Variants in ZNF438 observed in about 807,000 individuals in gnomAD.
ZNF438 encodes the protein zinc finger protein 438.
Under a neutral mutation model 38.0 loss-of-function variants are expected in ZNF438, and 25 were observed. That is an observed-to-expected ratio of 0.66 (90% CI 0.48 to 0.92). ZNF438 has a LOEUF of 0.92. Ranked by LOEUF, ZNF438 falls within the 40% of genes least tolerant of loss-of-function variation. The pLI, the probability that ZNF438 is intolerant of heterozygous loss-of-function variation, is 0.00. For synonymous variants in ZNF438, 372 were observed against 364.1 expected, an observed-to-expected ratio of 1.02 and a Z score of -0.25; for missense variants, 1,007 against 999.6, an observed-to-expected ratio of 1.01 and a Z score of -0.10.
chr10:30,966,283 T>C (rs1029229190), intron 1 of ZNF438, among the ~76,000 whole-genome samples: 2 of 152,016 alleles, frequency 1.3e-5, no homozygotes, highest in East Asian at 1.9e-4. Flanking sequence ...TGAGCTATGA[T>C]CATGCCACTG....
At chr10:31,002,290 G>T (rs924040495) in intron 1 of ZNF438, among the ~76,000 whole-genome samples, 1 of 152,130 alleles carries the variant, frequency 6.6e-6, no homozygotes, top group African/African-American at 2.4e-5. Flanking sequence ...AAAATACTTT[G>T]TTTACTTATG....
At chr10:30,871,227 T>G (rs760182316) in intron 4 of ZNF438, among the ~76,000 whole-genome samples, 1 of 152,300 alleles carries the variant, frequency 6.6e-6, no homozygotes, top group Middle Eastern at 3.4e-3. Context: ...TTCCCCCCTT[T>G]GCTTCTTTTG....
At chr10:30,928,540 C>T (rs2045234759) in intron 2 of ZNF438, among the ~76,000 whole-genome samples, 2 of 150,418 alleles carry the variant, frequency 1.3e-5, no homozygotes, top group Non-Finnish European at 1.5e-5. Flanking sequence ...AACTTTGTCA[C>T]TTCAAATCAC....
intron 3 of ZNF438, among the ~76,000 whole-genome samples, chr10:30,894,037 C>A (rs978389045): frequency 6.6e-6 from 1 of 152,148 alleles, no homozygotes; most frequent in Non-Finnish European, 1.5e-5. Context: ...CATCAGAGGA[C>A]TAGAACAAAG....
At chr10:30,906,275 TTTGC>T (rs1409890139) in intron 3 of ZNF438, among the ~76,000 whole-genome samples, 2 of 152,184 alleles carry the variant, frequency 1.3e-5, no homozygotes, top group African/African-American at 2.4e-5. Flanking sequence ...TTGCACTTCT[TTTGC>T]TTATTTGTAA....
At chr10:30,856,951 C>T (rs1439620737) in intron 4 of ZNF438, among the ~76,000 whole-genome samples, 1 of 152,150 alleles carries the variant, frequency 6.6e-6, no homozygotes, top group African/African-American at 2.4e-5. Flanking sequence ...TTATTATGGT[C>T]TAGAATTAAT....
At position 31,023,853 on chromosome 10, in the gene ZNF438, A is replaced by C. The variant is rs16932117; in HGVS notation, c.-192+7980T>G. Among the ~76,000 whole-genome samples, 666 of 152,284 alleles carry C rather than the reference A, an allele frequency of 4.4e-3. 6 individuals carry two copies. Among genetic ancestry groups the C allele is most frequent in the African/African-American group, 0.015 (630 of 41,532 alleles). The stretch of plus-strand genomic sequence containing the variant: ...CTAAGTTTAAAGCTGGCTAATCCTT[A>C]AATTTTTGCACTTTTCAAAATCAGC... On this transcript the variant is annotated intron_variant, in intron 1 of 5. Coordinates refer to ENST00000413025, the Ensembl canonical transcript of ZNF438.
At chr10:30,938,818 T>C (rs1187010681) in intron 2 of ZNF438, among the ~76,000 whole-genome samples, 2 of 151,506 alleles carry the variant, frequency 1.3e-5, no homozygotes, top group East Asian at 3.9e-4. Context: ...TATTTTGAGA[T>C]GGAGTCTCAC....
intron 1 of ZNF438, among the ~76,000 whole-genome samples, chr10:30,982,598 T>C (rs185593976): frequency 6.6e-6 from 1 of 152,326 alleles, no homozygotes; most frequent in East Asian, 1.9e-4. Flanking sequence ...ATGGGTCTGT[T>C]GTTTTAAGTG....
At chr10:30,918,278 CT>C (rs2043879993) in intron 2 of ZNF438, among the ~76,000 whole-genome samples, 1 of 152,084 alleles carries the variant, frequency 6.6e-6, no homozygotes, top group African/African-American at 2.4e-5. Context: ...TTCTATGTAA[CT>C]TTTAGAATTA....
At chr10:30,884,302 C>A (rs534144600) in intron 3 of ZNF438, among the ~76,000 whole-genome samples, 5 of 151,986 alleles carry the variant, frequency 3.3e-5, no homozygotes, top group African/African-American at 1.2e-4. Flanking sequence ...ATACCTAACA[C>A]TTATTAAAAA....
At chr10:30,945,357 T>C (rs2047265340) in intron 1 of ZNF438, among the ~76,000 whole-genome samples, 1 of 151,576 alleles carries the variant, frequency 6.6e-6, no homozygotes, top group African/African-American at 2.4e-5. Context: ...TAATGATTAG[T>C]ATCTGCATGG....
At chr10:31,014,969 C>T (rs183418518) in intron 1 of ZNF438, among the ~76,000 whole-genome samples, 1 of 152,102 alleles carries the variant, frequency 6.6e-6, no homozygotes, top group Admixed American at 6.5e-5. Flanking sequence ...GTCATCCCCC[C>T]ACTTCAGCCT....
At chr10:30,907,015 C>G (rs1239814308) in intron 3 of ZNF438, among the ~76,000 whole-genome samples, 4 of 152,178 alleles carry the variant, frequency 2.6e-5, no homozygotes, top group Non-Finnish European at 1.5e-5. Context: ...GCTCTTGTCG[C>G]CCAGGCTGGA....
chr10:30,899,008 T>C (rs2041684413), intron 3 of ZNF438, among the ~76,000 whole-genome samples: 1 of 152,180 alleles, frequency 6.6e-6, no homozygotes, highest in Non-Finnish European at 1.5e-5. Flanking sequence ...TTCTCCACCT[T>C]CTTCAGATTA....
At chr10:30,987,007 C>T (rs904847882) in intron 1 of ZNF438, among the ~76,000 whole-genome samples, 3 of 152,152 alleles carry the variant, frequency 2.0e-5, no homozygotes, top group Non-Finnish European at 4.4e-5. Context: ...TTGGACTTGG[C>T]TGTGGTTCAC....
At chr10:30,998,846 C>T (rs986962337) in intron 1 of ZNF438, among the ~76,000 whole-genome samples, 9 of 152,058 alleles carry the variant, frequency 5.9e-5, no homozygotes, top group Non-Finnish European at 8.8e-5. Context: ...GAATCCTTAA[C>T]TTTGAAGAAC....
exon 5 of ZNF438, chr10:30,849,635 T>C (rs1469097339): frequency 6.2e-7 from 1 of 1,614,102 alleles, no homozygotes; most frequent in Non-Finnish European, 8.5e-7. Flanking sequence ...TTTAAATTTT[T>C]CACTGGCAAC....
At chr10:30,995,407 T>C (rs572439074) in intron 1 of ZNF438, among the ~76,000 whole-genome samples, 2 of 152,338 alleles carry the variant, frequency 1.3e-5, no homozygotes, top group South Asian at 2.1e-4. Context: ...TATCCAGCAA[T>C]ACTGTGTTTT....
Sources: allele counts gnomAD v4.1 joint callset (sites outside exome capture counted in the v4.1 genomes callset), GRCh38; gene constraint gnomAD v4.1.1; transcripts MANE v1.5; gene names NCBI Gene and HGNC (gene_info 2026-07-23, HGNC 2026-07-21).